The following VGLL3 variants were observed in gnomAD, a reference collection of about 807,000 sequenced individuals.
The protein encoded by VGLL3 is vestigial like family member 3, also known as transcription cofactor vestigial-like protein 3.
Under a neutral mutation model 29.2 loss-of-function variants are expected in VGLL3, and 18 were observed. That is an observed-to-expected ratio of 0.62 (90% confidence interval 0.43 to 0.91). The LOEUF (loss-of-function observed/expected upper bound fraction) is 0.91. VGLL3 is among the 40% of genes least tolerant of loss of function. The pLI, the probability that VGLL3 is intolerant of heterozygous loss-of-function variation, is 0.00. For synonymous variants in VGLL3, 180 were observed against 151.8 expected, an observed-to-expected ratio of 1.19 and a Z score of -1.36; for missense variants, 440 against 413.2, an observed-to-expected ratio of 1.06 and a Z score of -0.56.
chr3:86,990,126 C>T (rs1705548612), intron 1 of VGLL3, among the ~76,000 whole-genome samples: 1 of 152,176 alleles, frequency 6.6e-6, no homozygotes, highest in African/African-American at 2.4e-5. Flanking sequence ...ACCCGATAGA[C>T]ATTATGCTAG....
At chr3:86,984,681 A>G (rs963146557) in intron 1 of VGLL3, among the ~76,000 whole-genome samples, 1 of 152,132 alleles carries the variant, frequency 6.6e-6, no homozygotes, top group Non-Finnish European at 1.5e-5. Context: ...TCCATTATTC[A>G]TTAATTTATC....
intron 3 of VGLL3, among the ~76,000 whole-genome samples, chr3:86,959,620 T>G (rs75079687): frequency 0.019 from 2,947 of 152,246 alleles, 99 homozygotes; most frequent in African/African-American, 0.067. Flanking sequence ...AATTGGAGCA[T>G]TATTATATTT....
chr3:86,968,112 A>T (rs1397442884), intron 3 of VGLL3, among the ~76,000 whole-genome samples: 1 of 152,142 alleles, frequency 6.6e-6, no homozygotes, highest in Non-Finnish European at 1.5e-5. Flanking sequence ...TTCTTTTAAA[A>T]TATGTTCCCT....
At chr3:86,950,708 A>C (rs1704598768) in intron 3 of VGLL3, among the ~76,000 whole-genome samples, 1 of 152,246 alleles carries the variant, frequency 6.6e-6, no homozygotes, top group African/African-American at 2.4e-5. Context: ...ATGATGGCAT[A>C]GTAGTAGGTT....
intron 2 of VGLL3, among the ~76,000 whole-genome samples, chr3:86,975,969 C>T (rs1392253250): frequency 6.6e-6 from 1 of 152,216 alleles, no homozygotes; most frequent in East Asian, 1.9e-4. Flanking sequence ...CAAAAATTAG[C>T]TGGGCATGGT....
intron 2 of VGLL3, among the ~76,000 whole-genome samples, chr3:86,975,157 G>A (rs1414834863): frequency 2.0e-5 from 3 of 152,150 alleles, no homozygotes; most frequent in African/African-American, 7.2e-5. Context: ...AGAAGGTAAA[G>A]GCTGGAACAT....
At chr3:86,970,974 T>C (rs10514743) in intron 2 of VGLL3, among the ~76,000 whole-genome samples, 12,198 of 152,200 alleles carry the variant, frequency 0.08, 1,284 homozygotes, top group African/African-American at 0.24. Flanking sequence ...AAGTGCCCTA[T>C]GGATTATTTT....
chr3:86,967,501 A>G (rs1191132153), intron 3 of VGLL3, among the ~76,000 whole-genome samples: 2 of 152,190 alleles, frequency 1.3e-5, no homozygotes, highest in East Asian at 3.9e-4. Context: ...GTTAACCAAA[A>G]TAAGAACGTT....
chr3:86,962,595 T>C, intron 3 of VGLL3: 2 of 958,842 alleles, frequency 2.1e-6, no homozygotes, highest in Non-Finnish European at 2.5e-6. Flanking sequence ...AAAAATTGCA[T>C]ATATATGCTC....
chr3:86,990,811 GCGCCGCCGC>G lies in VGLL3; in HGVS notation c.-77_-69del. The G allele has an allele frequency of 8.2e-7, 1 of 1,214,286 alleles. No homozygotes were observed. The highest frequency in any genetic ancestry group is 1.0e-6 in the Non-Finnish European group (1 of 970,200). The allele number at this position is 1,214,286 out of a possible 1,614,324, so 75.2% of individuals were successfully genotyped here. A position where few individuals can be genotyped will look rare whatever the true frequency, so the allele number is the denominator to read the frequency against. ...CTACGCGCTGGCGCGAGGGGCGCGG[GCGCCGCCGC>G]CGCCGCAGCTGCCGCCTCTGTCGCT... is the stretch of plus-strand genomic sequence containing the variant. On this transcript the variant is annotated 5_prime_UTR_variant, in exon 1 of 4. Coordinates refer to ENST00000398399, the MANE Select transcript of VGLL3 (RefSeq NM_016206.4).
At chr3:86,955,364 ATC>A (rs1240675243) in intron 3 of VGLL3, among the ~76,000 whole-genome samples, 12 of 148,418 alleles carry the variant, frequency 8.1e-5, no homozygotes, top group South Asian at 2.1e-4. Context: ...GAAACTTTTC[ATC>A]TCTCTCTCTC....
intron 3 of VGLL3, chr3:86,962,959 G>A (rs1704886642): frequency 5.3e-6 from 1 of 187,416 alleles, no homozygotes. Flanking sequence ...GCCGGGCGTG[G>A]TGGCAGATGC....
chr3:86,953,026 A>C (rs929647315), intron 3 of VGLL3, among the ~76,000 whole-genome samples: 5 of 152,146 alleles, frequency 3.3e-5, no homozygotes, highest in African/African-American at 1.2e-4. Context: ...AACACTTGCA[A>C]GAGAAAAATG....
chr3:86,955,210 C>A lies in VGLL3; in HGVS notation c.938-8143G>T, dbSNP rs193261273. ...TTACTACTCCAAAATTTTCAAAAGA[C>A]GCTTAGAAACTGCTGAAATATACTT... On this transcript the variant is annotated intron_variant, in intron 3 of 3. Coordinates refer to ENST00000398399, the MANE Select transcript of VGLL3 (RefSeq NM_016206.4). 2.0e-5 allele frequency among the ~76,000 whole-genome samples: 3 copies of A among 152,064 alleles called. No homozygotes were observed. In the South Asian group the frequency reaches 6.2e-4, roughly 32 times the overall value.
intron 2 of VGLL3, among the ~76,000 whole-genome samples, chr3:86,972,948 C>T (rs2107031848): frequency 6.6e-6 from 1 of 151,776 alleles, no homozygotes; most frequent in Non-Finnish European, 1.5e-5. Context: ...TAATAAAATC[C>T]ACTAAAAGCA....
intron 3 of VGLL3, among the ~76,000 whole-genome samples, chr3:86,949,730 G>A (rs746979945): frequency 1.1e-4 from 16 of 151,718 alleles, no homozygotes; most frequent in Non-Finnish European, 1.9e-4. Flanking sequence ...GGGAGGCTGA[G>A]GCAGGAGAAT....
rs144609618 is a variant in VGLL3 at position 86,975,103 on chromosome 3, A to T, written c.403+3423T>A. ...ACACATATTACAGTTGAGGAAGTTG[A>T]TGTAAGAGATTTCAATTTAGTAATC... On this transcript the variant is annotated intron_variant, in intron 2 of 3. Transcript: ENST00000398399. Among the ~76,000 whole-genome samples the T allele has an allele frequency of 5.9e-5, 9 of 152,332 alleles. No individual in the cohort carries two copies. In the East Asian group the frequency reaches 1.7e-3, roughly 29 times the overall value.
At chr3:86,989,782 G>A (rs1705541053) in intron 1 of VGLL3, among the ~76,000 whole-genome samples, 1 of 151,970 alleles carries the variant, frequency 6.6e-6, no homozygotes, top group Non-Finnish European at 1.5e-5. Context: ...ACTAAGCCTT[G>A]GCACACTCTC....
chr3:86,970,953 A>G (rs1287467556), intron 2 of VGLL3, among the ~76,000 whole-genome samples: 1 of 152,204 alleles, frequency 6.6e-6, no homozygotes, highest in Non-Finnish European at 1.5e-5. Context: ...TAATACTGCT[A>G]ACAGTCTGTG....
Sources: allele counts gnomAD v4.1 joint callset (sites outside exome capture counted in the v4.1 genomes callset), GRCh38; gene constraint gnomAD v4.1.1; transcripts MANE v1.5; gene names NCBI Gene and HGNC (gene_info 2026-07-23, HGNC 2026-07-21).